The following ZNF775 variants were observed in gnomAD, a reference collection of about 807,000 sequenced individuals.
ZNF775 encodes the protein zinc finger protein 775.
Under a neutral mutation model 2.4 loss-of-function variants are expected in ZNF775, and 1 was observed. The ratio of observed to expected loss-of-function variants is 0.41; its 90% CI spans 0.15 to 1.94. ZNF775 has a LOEUF of 1.94. ZNF775 is among the 30% of genes most tolerant of loss of function. The pLI, the probability that ZNF775 is intolerant of heterozygous loss-of-function variation, is 0.30. For synonymous variants in ZNF775, 381 were observed against 373.3 expected (o/e 1.02, Z -0.24); for missense variants, 823 against 826.6 (o/e 1.00, Z 0.05).
chr7:150,386,244 C>T (rs1456436852), intron 1 of ZNF775, among the ~76,000 whole-genome samples: 1 of 152,166 alleles, frequency 6.6e-6, no homozygotes, highest in East Asian at 1.9e-4. Context: ...CCTTATTTAA[C>T]TTTTAAAAAG....
In ZNF775 at chr7:150,397,042, G is replaced by A; in HGVS notation, c.561G>A (p.Arg187=). 1.9e-6 allele frequency: 3 copies of A among 1,595,752 alleles called. No individual in the cohort carries two copies. The highest frequency in any genetic ancestry group is 1.1e-5 in the South Asian group (1 of 90,532). ...TCAAGCACCAGAAGACCCACTCCCG[G>A]CCCGCCACCCACTCGTGCCCCGAGT... is the stretch of plus-strand genomic sequence containing the variant. The part of the protein sequence containing the change: ...HLLKHQKTHS[R]PATHSCPECE... Residue 187 remains arginine, a synonymous_variant, in exon 3 of 3, where the codon CGG becomes CGA. Coordinates refer to ENST00000329630, the MANE Select transcript of ZNF775 (RefSeq NM_173680.4).
chr7:150,388,533 G>A (rs746707321), intron 2 of ZNF775, 32 bp downstream of exon 2: 21 of 1,551,280 alleles, frequency 1.4e-5, no homozygotes, highest in East Asian at 7.3e-5. Context: ...GCAGGGGAGC[G>A]GGGTCTCCTC....
intron 1 of ZNF775, among the ~76,000 whole-genome samples, chr7:150,386,836 T>C (rs1347898889): frequency 6.6e-6 from 1 of 152,196 alleles, no homozygotes; most frequent in Non-Finnish European, 1.5e-5. Context: ...CTGCATTTGT[T>C]ACGGGCCCTC....
Position 150,397,854 on chromosome 7 carries a change from G to A in ZNF775, c.1373G>A (p.Trp458Ter). 1 of 1,602,478 alleles carries A rather than the reference G, an allele frequency of 6.2e-7. No homozygotes were observed. Among genetic ancestry groups the A allele is most frequent in the South Asian group, 1.1e-5 (1 of 90,740 alleles). The change falls in exon 3 of 3, where the codon TGG (tryptophan) becomes TAG (stop). Residue 458 changes from tryptophan (W) to a stop codon, truncating the protein, a stop_gained. Coordinates refer to ENST00000329630, the MANE Select transcript of ZNF775 (RefSeq NM_173680.4). LOFTEE classifies it low-confidence loss of function (END_TRUNC). ...CNECGKSFSW[W>*]SALTIHQRIH... The stretch of plus-strand genomic sequence containing the variant: ...GAGTGCGGCAAGAGCTTCTCGTGGT[G>A]GTCGGCGCTCACCATCCACCAGCGC...
chr7:150,386,212 A>G (rs926771726), intron 1 of ZNF775, among the ~76,000 whole-genome samples: 1 of 152,218 alleles, frequency 6.6e-6, no homozygotes. Flanking sequence ...CTGGGAATAC[A>G]GGCATGAACC....
At chr7:150,389,859 T>TTGTG (rs71196708) in intron 2 of ZNF775, among the ~76,000 whole-genome samples, 1 of 138,756 alleles carries the variant, frequency 7.2e-6, no homozygotes, top group African/African-American at 2.8e-5. Context: ...TAATTTTTAT[T>TTGTG]TGTGTGTGTG....
Position 150,396,852 on chromosome 7 carries a change from T to C in ZNF775, c.371T>C (p.Ile124Thr). The C allele has an allele frequency of 6.2e-7, 1 of 1,602,786 alleles. No individual in the cohort carries two copies. Reference protein sequence around the residue: ...KRFSWWSSLKIHQRTHTGEKP... With the variant: ...KRFSWWSSLKTHQRTHTGEKP... ...TTCAGCTGGTGGTCGTCCCTGAAGA[T>C]CCACCAGCGCACCCACACCGGGGAG... The change falls in exon 3 of 3, where the codon ATC becomes ACC. Residue 124 changes from isoleucine (I) to threonine (T), a missense_variant. Ile to Thr is a moderately conservative substitution (Grantham distance 89). Transcript: ENST00000329630.
rs1173999048 is a variant in ZNF775, at chr7:150,396,813, A to G, written c.332A>G (p.Asp111Gly). 1 of 1,600,850 alleles carries G rather than the reference A, an allele frequency of 6.2e-7. No individual in the cohort carries two copies. The highest frequency in any genetic ancestry group is 2.2e-5 in the East Asian group (1 of 44,606). ...GGCGAGGGTCACTTTGTATGCCTGG[A>G]CTGCGGGAAGAGGTTCAGCTGGTGG... ...SSGEGHFVCLDCGKRFSWWSS... is the reference protein window; with the variant it reads ...SSGEGHFVCLGCGKRFSWWSS... Residue 111 changes from aspartate to glycine, a missense_variant, in exon 3 of 3, where the codon GAC (aspartate) becomes GGC (glycine). Physicochemically the swap from Asp to Gly is moderately conservative, Grantham distance 94 (BLOSUM62 -1). Transcript: ENST00000329630.
At chr7:150,380,673 A>G (rs1006755949) in intron 1 of ZNF775, among the ~76,000 whole-genome samples, 1 of 152,198 alleles carries the variant, frequency 6.6e-6, no homozygotes, top group Non-Finnish European at 1.5e-5. Flanking sequence ...GTTCCCTCTT[A>G]TCCGAGGTGT....
intron 2 of ZNF775, among the ~76,000 whole-genome samples, chr7:150,392,510 A>T (rs968738139): frequency 1.3e-5 from 2 of 151,472 alleles, no homozygotes; most frequent in Non-Finnish European, 2.9e-5. Context: ...GTGTCAGTCA[A>T]GAGTTCGGTT....
intron 1 of ZNF775, among the ~76,000 whole-genome samples, chr7:150,385,066 G>A (rs550574712): frequency 6.6e-6 from 1 of 152,304 alleles, no homozygotes; most frequent in African/African-American, 2.4e-5. Context: ...TTGGTGAGAG[G>A]TTTCCCAAGA....
Position 150,397,598 on chromosome 7 carries a change from A to G in ZNF775, c.1117A>G (p.Lys373Glu), listed in dbSNP as rs1800698006. 6.9e-7 allele frequency: 1 copy of G among 1,458,392 alleles called. No individual in the cohort carries two copies. Among genetic ancestry groups the G allele is most frequent in the African/African-American group, 1.5e-5 (1 of 66,480 alleles). The allele number at this position is 1,458,392 out of a possible 1,614,324, so 90.3% of individuals were successfully genotyped here. The change falls in exon 3 of 3, where the codon AAG (lysine) becomes GAG (glutamate). Residue 373 changes from lysine (K) to glutamate (E), a missense_variant. Transcript: ENST00000329630. ...GGCTGCGCCCTGCCCCAGCTGCGGT[A>G]AGAGCTGCCGCAGCCGCGCCGCGCT... ...AQAAPCPSCG[K>E]SCRSRAALRA...
chr7:150,384,176 G>A lies in ZNF775; in HGVS notation c.-49-4246G>A, dbSNP rs73728123. Among the ~76,000 whole-genome samples, 1 of 152,196 alleles carries A rather than the reference G, an allele frequency of 6.6e-6. No homozygotes were observed. The highest frequency in any genetic ancestry group is 1.9e-4 in the East Asian group (1 of 5,186). On this transcript the variant is annotated intron_variant, in intron 1 of 2. Transcript: ENST00000329630. This position sits in a 1 kb window ranked among gnomAD's most constrained non-coding sequence, Gnocchi z 4.1. ...GGCCAGGGCCAGGCGTGGGAAGGGG[G>A]CCCCTGTGTGTCCTGCTCCCCTCAG... is the stretch of plus-strand genomic sequence containing the variant.
chr7:150,394,648 TCTCCCTCCCTCCCTCC>T (rs367790337), intron 2 of ZNF775, among the ~76,000 whole-genome samples: 2 of 147,384 alleles, frequency 1.4e-5, no homozygotes, highest in Non-Finnish European at 3.0e-5. Flanking sequence ...TCTCTCTCTC[TCTCCCTCCCTCCCTCC>T]CTCCCTCCCC....
rs1349832552 is a variant in ZNF775 at position 150,384,473 on chromosome 7, G to A, written c.-49-3949G>A. ...GAGTGAAAGGCAGAATAGGAGAGAA[G>A]CTTAGGGTGGGGACGTGTGTGTCTG... On this transcript the variant is annotated intron_variant, in intron 1 of 2. Coordinates refer to ENST00000329630, the MANE Select transcript of ZNF775 (RefSeq NM_173680.4). The surrounding 1 kb of genome is among the most constrained non-coding windows in gnomAD (Gnocchi z 4.1). Among the ~76,000 whole-genome samples, 1 of 152,232 alleles carries A rather than the reference G, an allele frequency of 6.6e-6. No homozygotes were observed. The highest frequency in any genetic ancestry group is 1.5e-5 in the Non-Finnish European group (1 of 68,040).
Position 150,397,983 on chromosome 7 carries a change from C to T in ZNF775, c.1502C>T (p.Pro501Leu), listed in dbSNP as rs1042609336. 33 of 1,597,226 alleles carry T rather than the reference C, an allele frequency of 2.1e-5. No individual in the cohort carries two copies. Among genetic ancestry groups the T allele is most frequent in the Non-Finnish European group, 2.7e-5 (32 of 1,177,610 alleles). ...RHRRNHTGER[P>L]YLCPACGRGF... The stretch of plus-strand genomic sequence containing the variant: ...CGGCGCAACCACACAGGCGAGCGGC[C>T]CTACCTGTGTCCCGCCTGCGGCCGC... Residue 501 changes from proline to leucine, a missense_variant, in exon 3 of 3, where the codon CCC (proline) becomes CTC (leucine). Transcript: ENST00000329630.
Position 150,397,750 on chromosome 7 carries a change from GGGGGCCCGGGACACGCTGT to G in ZNF775, c.1276_1294del (p.Arg426GlyfsTer58). On this transcript the variant is annotated frameshift_variant, in exon 3 of 3. Coordinates refer to ENST00000329630, the MANE Select transcript of ZNF775 (RefSeq NM_173680.4). LOFTEE classifies it low-confidence loss of function (END_TRUNC). ...GGCCGCGGAGCTCCCAACGGTCCCC[GGGGGCCCGGGACACGCTGT>G]GGGGCCGGGGACAAGCGGGCCTCGC... 6.7e-7 allele frequency: 1 copy of G among 1,482,496 alleles called. No individual in the cohort carries two copies. The highest frequency in any genetic ancestry group is 8.9e-7 in the Non-Finnish European group (1 of 1,122,464). 91.8% of individuals were successfully genotyped at this position (1,482,496 alleles called of 1,614,324 possible).
chr7:150,391,318 GCCAAC>G (rs1424287345), intron 2 of ZNF775, among the ~76,000 whole-genome samples: 2 of 152,148 alleles, frequency 1.3e-5, no homozygotes, highest in Non-Finnish European at 2.9e-5. Flanking sequence ...GACCCGCCTG[GCCAAC>G]ATGGTGAAAC....
chr7:150,388,747 C>T (rs1213167772), intron 2 of ZNF775, among the ~76,000 whole-genome samples: 2 of 152,198 alleles, frequency 1.3e-5, no homozygotes, highest in Admixed American at 1.3e-4. Context: ...AGCAAGGGGA[C>T]ACATGTGCAC....
Sources: gnomAD v4.1 joint callset for allele counts (sites outside exome capture counted in the v4.1 genomes callset) on GRCh38, gnomAD v4.1.1 for gene constraint, Gnocchi (gnomAD v3.1) non-coding constraint, MANE v1.5 for transcripts, NCBI Gene and HGNC (gene_info 2026-07-23, HGNC 2026-07-21) for gene names.